KCNH7: variants seen among roughly 807,000 people sequenced by gnomAD.
KCNH7 encodes potassium voltage-gated channel subfamily H member 7.
In KCNH7, 49 loss-of-function variants were observed where a neutral mutation model predicts 120.8. The observed-to-expected ratio is 0.41, with a 90% CI of 0.32 to 0.51. The LOEUF (loss-of-function observed/expected upper bound fraction) is 0.51, where lower values mean the gene tolerates loss of function less well. Ranked by LOEUF, KCNH7 falls within the 20% of genes least tolerant of loss-of-function variation. The pLI, the probability that KCNH7 is intolerant of heterozygous loss-of-function variation, is 0.38. For synonymous variants in KCNH7, 547 were observed against 516.1 expected, an observed-to-expected ratio of 1.06 and a Z score of -0.81; for missense variants, 1,097 against 1,446.6, an observed-to-expected ratio of 0.76 and a Z score of 3.92.
intron 2 of KCNH7, among the ~76,000 whole-genome samples, chr2:162,732,886 T>A (rs1395986205): frequency 1.3e-5 from 2 of 152,208 alleles, no homozygotes; most frequent in African/African-American, 4.8e-5. Context: ...TGAGCCAGAT[T>A]TTGCCTGAAA....
At chr2:162,662,153 C>T (rs987245950) in intron 2 of KCNH7, among the ~76,000 whole-genome samples, 2 of 152,062 alleles carry the variant, frequency 1.3e-5, no homozygotes. Flanking sequence ...GTCCCAGCTA[C>T]TCGGGAGGCT....
intron 6 of KCNH7, among the ~76,000 whole-genome samples, chr2:162,490,347 C>T (rs991285834): frequency 6.6e-6 from 1 of 152,234 alleles, no homozygotes; most frequent in Non-Finnish European, 1.5e-5. Context: ...AGGAGGGCAA[C>T]CAGGAACCTA....
intron 2 of KCNH7, among the ~76,000 whole-genome samples, chr2:162,655,799 A>G (rs2105268077): frequency 1.3e-5 from 2 of 152,300 alleles, no homozygotes; most frequent in Middle Eastern, 3.4e-3. Flanking sequence ...CTCAAAAAAC[A>G]AAAAACAAAA....
At chr2:162,592,656 G>C (rs1001293069) in intron 2 of KCNH7, among the ~76,000 whole-genome samples, 11 of 152,116 alleles carry the variant, frequency 7.2e-5, no homozygotes, top group African/African-American at 2.4e-5. Flanking sequence ...CAGAGCCTTT[G>C]TTTACTTACC....
intron 2 of KCNH7, among the ~76,000 whole-genome samples, chr2:162,758,579 C>A (rs1276845858): frequency 6.6e-6 from 1 of 151,778 alleles, no homozygotes; most frequent in Admixed American, 6.6e-5. Context: ...GTATAAGTAT[C>A]TACATTTACG....
At chr2:162,823,696 C>G (rs1208185567) in intron 2 of KCNH7, among the ~76,000 whole-genome samples, 1 of 152,106 alleles carries the variant, frequency 6.6e-6, no homozygotes, top group Non-Finnish European at 1.5e-5. Context: ...GAAGTTAGCA[C>G]ACATAACTTC....
chr2:162,377,917 G>T (rs1686268229), intron 14 of KCNH7, among the ~76,000 whole-genome samples: 1 of 152,024 alleles, frequency 6.6e-6, no homozygotes, highest in Admixed American at 6.6e-5. Context: ...ATTACTATTG[G>T]GTGATTGCAC....
chr2:162,563,470 G>A (rs1693144818), intron 2 of KCNH7, among the ~76,000 whole-genome samples: 2 of 152,042 alleles, frequency 1.3e-5, no homozygotes, highest in African/African-American at 2.4e-5. Flanking sequence ...TGCTTGCATG[G>A]CTTAGAACAC....
intron 2 of KCNH7, among the ~76,000 whole-genome samples, chr2:162,801,958 C>A (rs34124303): frequency 6.6e-5 from 10 of 151,692 alleles, no homozygotes; most frequent in Non-Finnish European, 1.5e-4. Context: ...TAGAACAAAT[C>A]TTATCCATCA....
chr2:162,456,231 A>G (rs552525409), intron 6 of KCNH7, among the ~76,000 whole-genome samples: 1 of 152,112 alleles, frequency 6.6e-6, no homozygotes, highest in African/African-American at 2.4e-5. Flanking sequence ...TTCAATTTCC[A>G]TGTAGTTGTG....
In KCNH7 at chr2:162,517,907, A is replaced by G; in HGVS notation, c.715T>C (p.Ser239Pro). ...VNISGPLDHS[S>P]PKRQWDRLYP... ...AGTCGGTCCCATTGCCTTTTGGGAGAGGAATGGTCAAGAGGTCCGGATATA... is the reference window on the plus strand; with the variant it reads ...AGTCGGTCCCATTGCCTTTTGGGAGGGGAATGGTCAAGAGGTCCGGATATA... The change falls in exon 4 of 16, where the codon TCT becomes CCT. Residue 239 changes from serine to proline, a missense_variant. Ser to Pro is a moderately conservative substitution (Grantham distance 74). Around this residue, in one of 8 missense-constraint regions of KCNH7, gnomAD observed 362 missense variants for 372.2 expected, o/e 0.97. Coordinates refer to ENST00000332142, the MANE Select transcript of KCNH7 (RefSeq NM_033272.4). 1 of 1,612,242 alleles carries G rather than the reference A, an allele frequency of 6.2e-7. No homozygotes were observed. The highest frequency in any genetic ancestry group is 8.5e-7 in the Non-Finnish European group (1 of 1,178,830).
At chr2:162,511,572 C>A (rs934570714) in intron 5 of KCNH7, among the ~76,000 whole-genome samples, 5 of 150,132 alleles carry the variant, frequency 3.3e-5, no homozygotes, top group Non-Finnish European at 7.4e-5. Context: ...AAAGTGCCTA[C>A]AAAATAAAAT....
At chr2:162,404,872 C>G (rs1020042231) in intron 9 of KCNH7, among the ~76,000 whole-genome samples, 3 of 152,016 alleles carry the variant, frequency 2.0e-5, no homozygotes, top group African/African-American at 7.2e-5. Flanking sequence ...GAAATTATAT[C>G]TGGACTTAAA....
rs1167868229 is a variant in KCNH7, at chr2:162,773,967, AT to A, written c.307+62569del. On this transcript the variant is annotated intron_variant, in intron 2 of 15. Transcript: ENST00000332142. ...CAACACTCATACTTAGTATTTTATGATTTTTTTTCTGGTAATAAAATCATTG... is the reference window on the plus strand; with the variant it reads ...CAACACTCATACTTAGTATTTTATGATTTTTTTCTGGTAATAAAATCATTG... Among the ~76,000 whole-genome samples the A allele has an allele frequency of 2.6e-5, 4 of 152,028 alleles. No homozygotes were observed. In the East Asian group the frequency reaches 5.8e-4, roughly 22 times the overall value.
intron 2 of KCNH7, among the ~76,000 whole-genome samples, chr2:162,597,055 G>C (rs1269412033): frequency 2.0e-5 from 3 of 152,082 alleles, no homozygotes; most frequent in African/African-American, 7.2e-5. Flanking sequence ...ATAAGCGTTT[G>C]TGAGGATGTG....
At chr2:162,426,952 A>C (rs533782323) in intron 8 of KCNH7, among the ~76,000 whole-genome samples, 1 of 152,052 alleles carries the variant, frequency 6.6e-6, no homozygotes, top group East Asian at 1.9e-4. Context: ...ATTTTATATA[A>C]GTGGAATTAT....
At chr2:162,725,469 T>C (rs920234845) in intron 2 of KCNH7, among the ~76,000 whole-genome samples, 2 of 152,170 alleles carry the variant, frequency 1.3e-5, no homozygotes, top group South Asian at 2.1e-4. Flanking sequence ...GGAAGATACA[T>C]TCAGAATATG....
At chr2:162,643,026 G>C (rs1684221264) in intron 2 of KCNH7, among the ~76,000 whole-genome samples, 1 of 152,176 alleles carries the variant, frequency 6.6e-6, no homozygotes, top group Non-Finnish European at 1.5e-5. Context: ...AGATAAAATA[G>C]AAATATTTAT....
chr2:162,390,194 C>T (rs1443397373), intron 12 of KCNH7, among the ~76,000 whole-genome samples: 5 of 151,464 alleles, frequency 3.3e-5, no homozygotes, highest in Admixed American at 3.3e-4. Context: ...GTCTTATAAG[C>T]CCTGTAAGTA....
Sources: allele counts gnomAD v4.1 joint callset (sites outside exome capture counted in the v4.1 genomes callset), GRCh38; gene constraint gnomAD v4.1.1; regional missense constraint gnomAD v4.1.1; transcripts MANE v1.5; gene names NCBI Gene and HGNC (gene_info 2026-07-23, HGNC 2026-07-21).